Variants in GRID2 observed in about 807,000 individuals in gnomAD.
GRID2 encodes the protein glutamate ionotropic receptor delta type subunit 2.
In GRID2, 33 loss-of-function variants were observed where a neutral mutation model predicts 114.8. That is an observed-to-expected ratio of 0.29 (90% CI 0.22 to 0.38). The LOEUF (loss-of-function observed/expected upper bound fraction) is 0.38, where lower values mean the gene tolerates loss of function less well. GRID2 is among the 10% of genes least tolerant of loss of function. The pLI, the probability that GRID2 is intolerant of heterozygous loss-of-function variation, is 1.00. For missense variants in GRID2, 1,184 were observed against 1,257.7 expected (o/e 0.94, Z 0.89); for synonymous variants, 505 against 449.9 (o/e 1.12, Z -1.55).
rs553193865 is a variant in GRID2, at chr4:93,740,676, A to G, written c.2361-28534A>G. On this transcript the variant is annotated intron_variant, in intron 14 of 15. Transcript: ENST00000282020. ...TGGTTGTCTCATCATCTTCAGAACC[A>G]TAAGACATAACCTAAAATGATGCTT... is the stretch of plus-strand genomic sequence containing the variant. Among the ~76,000 whole-genome samples the G allele has an allele frequency of 5.8e-4, 89 of 152,300 alleles. No homozygotes were observed. The South Asian group carries it at 0.018, about 32-fold the overall frequency.
At chr4:92,777,817 A>T (rs116895015) in intron 2 of GRID2, among the ~76,000 whole-genome samples, 1 of 151,892 alleles carries the variant, frequency 6.6e-6, no homozygotes, top group East Asian at 1.9e-4. Context: ...GGAGAAACCA[A>T]CCCTGCCAAC....
chr4:92,960,275 C>T (rs1343029724), intron 2 of GRID2, among the ~76,000 whole-genome samples: 1 of 151,928 alleles, frequency 6.6e-6, no homozygotes, highest in African/African-American at 2.4e-5. Context: ...CAATTATATT[C>T]AGTTCATTGA....
At chr4:92,710,107 T>C (rs976061004) in intron 2 of GRID2, among the ~76,000 whole-genome samples, 1 of 152,156 alleles carries the variant, frequency 6.6e-6, no homozygotes, top group African/African-American at 2.4e-5. Flanking sequence ...ATCATTACTT[T>C]TATTAAAATT....
At chr4:92,460,385 A>G (rs1298555746) in intron 1 of GRID2, among the ~76,000 whole-genome samples, 1 of 151,998 alleles carries the variant, frequency 6.6e-6, no homozygotes, top group Non-Finnish European at 1.5e-5. Flanking sequence ...CTTCAGAAAG[A>G]TTATCCAGCC....
intron 13 of GRID2, among the ~76,000 whole-genome samples, chr4:93,537,392 C>G (rs1732204191): frequency 6.6e-6 from 1 of 151,558 alleles, no homozygotes; most frequent in Admixed American, 6.6e-5. Flanking sequence ...GGAATTTTGC[C>G]TTCTAATAAA....
At chr4:92,764,175 A>T (rs893385932) in intron 2 of GRID2, among the ~76,000 whole-genome samples, 2 of 152,112 alleles carry the variant, frequency 1.3e-5, no homozygotes, top group African/African-American at 4.8e-5. Context: ...GCAGCACACC[A>T]CTGGCGAGAA....
intron 2 of GRID2, among the ~76,000 whole-genome samples, chr4:92,680,387 C>T (rs923082505): frequency 6.6e-5 from 10 of 152,064 alleles, no homozygotes; most frequent in Admixed American, 3.9e-4. Context: ...AAATGTGAAT[C>T]AAATTAGTCA....
chr4:92,599,004 A>C (rs537841856), intron 2 of GRID2, among the ~76,000 whole-genome samples: 1 of 150,764 alleles, frequency 6.6e-6, no homozygotes, highest in East Asian at 1.9e-4. Context: ...TGTGGTTTTA[A>C]ATATATATAA....
chr4:93,076,233 A>C (rs1578917176), intron 2 of GRID2, among the ~76,000 whole-genome samples: 1 of 152,162 alleles, frequency 6.6e-6, no homozygotes, highest in Admixed American at 6.5e-5. Context: ...TAAGGTAATT[A>C]AAATAGCATG....
intron 3 of GRID2, among the ~76,000 whole-genome samples, chr4:93,106,249 T>C (rs1418629061): frequency 1.3e-5 from 2 of 152,210 alleles, no homozygotes; most frequent in Non-Finnish European, 2.9e-5. Flanking sequence ...ACTCATCTCA[T>C]TGGCTGCCAG....
At chr4:93,512,577 A>G (rs548581298) in intron 12 of GRID2, among the ~76,000 whole-genome samples, 6 of 152,196 alleles carry the variant, frequency 3.9e-5, no homozygotes, top group Admixed American at 2.0e-4. Context: ...TTTATTGCAA[A>G]CATGTCTCAA....
intron 13 of GRID2, among the ~76,000 whole-genome samples, chr4:93,597,989 C>A (rs1268458070): frequency 6.6e-6 from 1 of 152,172 alleles, no homozygotes; most frequent in Admixed American, 6.5e-5. Flanking sequence ...GGATTGCAGC[C>A]TTATTCCTTA....
intron 1 of GRID2, among the ~76,000 whole-genome samples, chr4:92,314,492 A>C (rs1257515309): frequency 6.6e-6 from 1 of 152,102 alleles, no homozygotes; most frequent in African/African-American, 2.4e-5. Flanking sequence ...AAAAGTTTTT[A>C]ATGTGTAGAG....
Position 92,815,944 on chromosome 4 carries a change from GA to G in GRID2, c.244+225665del, listed in dbSNP as rs1235307774. 7.6e-3 allele frequency among the ~76,000 whole-genome samples: 702 copies of G among 92,552 alleles called. 7 individuals carry two copies. Among genetic ancestry groups the G allele is most frequent in the African/African-American group, 0.027 (656 of 24,664 alleles). 60.7% of individuals were successfully genotyped at this position (92,552 alleles called of 152,430 possible). A position where few individuals can be genotyped will look rare whatever the true frequency, so the allele number is the denominator to read the frequency against. On this transcript the variant is annotated intron_variant, in intron 2 of 15. Transcript: ENST00000282020. ...AAAAAAAAAAAAAAAAAAAAGGAAA[GA>G]AAAAAACAAAAAGCCAAAAAAAAAC...
At chr4:92,733,067 C>T (rs1389748843) in intron 2 of GRID2, among the ~76,000 whole-genome samples, 2 of 151,938 alleles carry the variant, frequency 1.3e-5, no homozygotes, top group Non-Finnish European at 2.9e-5. Flanking sequence ...AACCCACACT[C>T]TGCTCCCTCT....
intron 2 of GRID2, among the ~76,000 whole-genome samples, chr4:92,814,544 G>C (rs549114156): frequency 6.6e-6 from 1 of 152,172 alleles, no homozygotes; most frequent in African/African-American, 2.4e-5. Flanking sequence ...TTTTCCTCTG[G>C]GATTCCAAAT....
intron 2 of GRID2, among the ~76,000 whole-genome samples, chr4:92,637,615 G>A (rs1731136146): frequency 6.6e-6 from 1 of 151,892 alleles, no homozygotes; most frequent in African/African-American, 2.4e-5. Flanking sequence ...ATGGATTATG[G>A]ATTAGTGACT....
intron 1 of GRID2, among the ~76,000 whole-genome samples, chr4:92,525,236 G>T (rs1724986800): frequency 1.3e-5 from 2 of 151,186 alleles, no homozygotes; most frequent in Admixed American, 1.3e-4. Context: ...TAGGACATTT[G>T]AATATAAAAA....
In GRID2 at chr4:93,682,281, A is replaced by G. The variant is rs759701168; in HGVS notation, c.2360+55846A>G. 4.5e-3 allele frequency among the ~76,000 whole-genome samples: 669 copies of G among 149,382 alleles called. 2 individuals are homozygous for G. Among genetic ancestry groups the G allele is most frequent in the Non-Finnish European group, 5.5e-3 (363 of 66,602 alleles). On this transcript the variant is annotated intron_variant, in intron 14 of 15. Coordinates refer to ENST00000282020, the MANE Select transcript of GRID2 (RefSeq NM_001510.4). ...GCAATCATTAAAAAGTCAGGAAACAACAGGTGCTGGAGAGGATGTGGAGAA... is the reference window on the plus strand; with the variant it reads ...GCAATCATTAAAAAGTCAGGAAACAGCAGGTGCTGGAGAGGATGTGGAGAA...
Sources: allele counts gnomAD v4.1 joint callset (sites outside exome capture counted in the v4.1 genomes callset), GRCh38; gene constraint gnomAD v4.1.1; transcripts MANE v1.5; gene names NCBI Gene and HGNC (gene_info 2026-07-23, HGNC 2026-07-21).